MYOM1: variants seen among roughly 807,000 people sequenced by gnomAD.
MYOM1 encodes the protein myomesin-1.
MYOM1 carries 164 observed loss-of-function variants against 205.3 expected under a neutral mutation model. That is an observed-to-expected ratio of 0.80 (90% CI 0.70 to 0.91). MYOM1 has a LOEUF of 0.91. Ranked by LOEUF, MYOM1 falls within the 40% of genes least tolerant of loss-of-function variation. The pLI, the probability that MYOM1 is intolerant of heterozygous loss-of-function variation, is 0.00. For synonymous variants in MYOM1, 772 were observed against 789.4 expected (o/e 0.98, Z 0.37); for missense variants, 2,011 against 2,127.3 (o/e 0.95, Z 1.08).
intron 37 of MYOM1, among the ~76,000 whole-genome samples, chr18:3,069,856 G>C (rs1490657132): frequency 6.6e-6 from 1 of 152,208 alleles, no homozygotes; most frequent in Non-Finnish European, 1.5e-5. Flanking sequence ...ACGACCTAGA[G>C]AGTTGTATAT....
At chr18:3,241,507 A>T in the MYOM1 span, among the ~76,000 whole-genome samples, 4 of 152,286 alleles carry the variant, frequency 2.6e-5, no homozygotes, top group South Asian at 8.3e-4. Context: ...CTCCACCTAG[A>T]TTTCAGAGGT....
intron 12 of MYOM1, 53 bp from the exon 13 acceptor site, chr18:3,149,254 C>T (rs755111725): frequency 6.1e-6 from 9 of 1,469,680 alleles, no homozygotes; most frequent in South Asian, 1.2e-5. Context: ...TGCAATTTAT[C>T]AGCTGCACTG....
rs200397389 is a variant in MYOM1, at chr18:3,176,094, C to G, written c.970G>C (p.Gly324Arg). ...TATCGACTCTCAATAATATACTTTC[C>G]AGGGTTTGCATGGACATTTATTGGC... ...QVPINVHANP[G>R]KYIIESRYGM... is the part of the protein sequence containing the mutation. Residue 324 changes from glycine (G) to arginine (R), a missense_variant, in exon 6 of 38, where the codon GGA becomes CGA. Transcript: ENST00000356443. 2.9e-5 allele frequency: 46 copies of G among 1,608,630 alleles called. No individual in the cohort carries two copies. In the East Asian group the frequency reaches 1.0e-3, roughly 35 times the overall value.
chr18:3,127,580 A>T (rs2079813799), intron 18 of MYOM1, among the ~76,000 whole-genome samples: 1 of 151,896 alleles, frequency 6.6e-6, no homozygotes, highest in Non-Finnish European at 1.5e-5. Context: ...AAGTGCTGGG[A>T]TTACAGGTGT....
chr18:3,242,039 T>G, the MYOM1 span, among the ~76,000 whole-genome samples: 2 of 152,228 alleles, frequency 1.3e-5, no homozygotes, highest in East Asian at 3.8e-4. Context: ...TAACTTGCTT[T>G]TAATTTTACA....
chr18:3,221,041 G>A (rs1294614521), upstream of MYOM1, among the ~76,000 whole-genome samples: 1 of 152,170 alleles, frequency 6.6e-6, no homozygotes, highest in African/African-American at 2.4e-5. Flanking sequence ...TTCTTTCTGA[G>A]ACAGGGTCTC....
the MYOM1 span, among the ~76,000 whole-genome samples, chr18:3,243,437 G>A: frequency 6.6e-6 from 1 of 152,192 alleles, no homozygotes; most frequent in South Asian, 2.1e-4. Context: ...ATTCTGCTAT[G>A]CTTCCTTGCT....
the MYOM1 span, chr18:3,246,330 A>G: frequency 6.6e-6 from 1 of 152,324 alleles, no homozygotes; most frequent in African/African-American, 2.4e-5. Context: ...GCCCTCGCCG[A>G]TAAGAGCCCA....
intron 13 of MYOM1, among the ~76,000 whole-genome samples, chr18:3,148,752 A>T (rs185587563): frequency 2.1e-5 from 3 of 145,734 alleles, no homozygotes; most frequent in African/African-American, 7.5e-5. Context: ...AGGCTGAGGC[A>T]GGAGAATGGC....
At chr18:3,184,835 G>A (rs1009357629) in intron 5 of MYOM1, among the ~76,000 whole-genome samples, 1 of 152,322 alleles carries the variant, frequency 6.6e-6, no homozygotes, top group Non-Finnish European at 1.5e-5. Flanking sequence ...AGGGACCAGA[G>A]GAGGCTCATC....
chr18:3,224,473 G>T (rs1053516605), upstream of MYOM1, among the ~76,000 whole-genome samples: 1 of 152,166 alleles, frequency 6.6e-6, no homozygotes, highest in African/African-American at 2.4e-5. Flanking sequence ...GTGCTGGGCT[G>T]AAAGCCCAGC....
chr18:3,176,558 G>C (rs546071169), intron 5 of MYOM1, among the ~76,000 whole-genome samples: 2 of 152,298 alleles, frequency 1.3e-5, no homozygotes, highest in African/African-American at 4.8e-5. Context: ...AATGTTTATT[G>C]ATTTGGGTGT....
chr18:3,164,567 AG>A (rs755558447), intron 9 of MYOM1, 128 bp from the exon 10 acceptor site: 22 of 907,056 alleles, frequency 2.4e-5, no homozygotes, highest in Non-Finnish European at 3.6e-5. Flanking sequence ...GGAAGTCTCT[AG>A]GACTTTGAGC....
intron 5 of MYOM1, among the ~76,000 whole-genome samples, chr18:3,178,805 G>A (rs544129838): frequency 6.6e-6 from 1 of 152,032 alleles, no homozygotes; most frequent in African/African-American, 2.4e-5. Flanking sequence ...CAAAATTATG[G>A]TTGGATATGT....
chr18:3,173,573 CGT>C (rs71159051), intron 8 of MYOM1, among the ~76,000 whole-genome samples: 56,742 of 136,300 alleles, frequency 0.42, 11,435 homozygotes, highest in Non-Finnish European at 0.48. Context: ...AGTCCAGACT[CGT>C]GTGTGTGTGT....
intron 31 of MYOM1, 94 bp downstream of exon 31, chr18:3,084,951 G>T: frequency 2.1e-6 from 2 of 960,836 alleles, no homozygotes; most frequent in South Asian, 1.8e-5. Flanking sequence ...AAAAAAATCA[G>T]CATGATTTCA....
rs2079195559 is a variant in MYOM1, at chr18:3,089,601, A to G, written c.4010-5T>C. On this transcript the variant is annotated splice_region_variant and splice_polypyrimidine_tract_variant and intron_variant, in intron 27 of 37. Coordinates refer to ENST00000356443, the MANE Select transcript of MYOM1 (RefSeq NM_003803.4). ...CTTTCTGGAGCTTTTTGAAAACTAC[A>G]AATTGAAAAACAAGGAAGTGTGAAA... 1 of 1,604,550 alleles carries G rather than the reference A, an allele frequency of 6.2e-7. No homozygotes were observed. Among genetic ancestry groups the G allele is most frequent in the East Asian group, 2.2e-5 (1 of 44,686 alleles).
chr18:3,201,603 T>TA (rs2081069519), intron 2 of MYOM1, among the ~76,000 whole-genome samples: 1 of 151,980 alleles, frequency 6.6e-6, no homozygotes, highest in South Asian at 2.1e-4. Context: ...TATATAAGCT[T>TA]ATACACATAT....
chr18:3,117,275 G>C (rs2079619875), intron 20 of MYOM1, among the ~76,000 whole-genome samples: 1 of 152,130 alleles, frequency 6.6e-6, no homozygotes, highest in South Asian at 2.1e-4. Context: ...TCTTTCAAAG[G>C]AAAAAGCATC....
Sources: allele counts gnomAD v4.1 joint callset (sites outside exome capture counted in the v4.1 genomes callset), GRCh38; gene constraint gnomAD v4.1.1; transcripts MANE v1.5; gene names NCBI Gene and HGNC (gene_info 2026-07-23, HGNC 2026-07-21).